The following MELK variants were observed in gnomAD, a reference collection of about 807,000 sequenced individuals.
The protein encoded by MELK is pEg3 kinase.
A neutral mutation model predicts 85.0 loss-of-function variants in MELK; 81 were observed. The observed-to-expected ratio is 0.95, with a 90% CI of 0.80 to 1.15. The LOEUF is 1.15. Among genes scored for constraint, MELK ranks in the 50% most tolerant of loss-of-function variants. The pLI is 0.00. For synonymous variants in MELK, 252 were observed against 265.0 expected (o/e 0.95, Z 0.48); for missense variants, 754 against 777.5 (o/e 0.97, Z 0.36).
intron 13 of MELK, among the ~76,000 whole-genome samples, chr9:36,659,833 C>G (rs572468333): frequency 6.6e-6 from 1 of 152,228 alleles, no homozygotes; most frequent in East Asian, 1.9e-4. Context: ...GAGTTTTGCT[C>G]TTGTTGCCCA....
chr9:36,616,407 T>TTTTTTTTTTTTTTTA (rs1826799667), intron 8 of MELK, among the ~76,000 whole-genome samples: 1 of 147,452 alleles, frequency 6.8e-6, no homozygotes, highest in Non-Finnish European at 1.5e-5. Flanking sequence ...TTTTTTTTTT[T>TTTTTTTTTTTTTTTA]AAGGCAGAGC....
At chr9:36,611,304 G>T (rs1826030992) in intron 8 of MELK, among the ~76,000 whole-genome samples, 1 of 152,196 alleles carries the variant, frequency 6.6e-6, no homozygotes, top group African/African-American at 2.4e-5. Flanking sequence ...TAGAAAGACT[G>T]TGGAAACAGA....
At chr9:36,577,588 T>C (rs1821781615) in intron 1 of MELK, among the ~76,000 whole-genome samples, 1 of 152,038 alleles carries the variant, frequency 6.6e-6, no homozygotes, top group South Asian at 2.1e-4. Context: ...CACCTCAGCC[T>C]GCCAAAGTGC....
chr9:36,577,675 C>T (rs1255221874), intron 1 of MELK, among the ~76,000 whole-genome samples: 1 of 151,796 alleles, frequency 6.6e-6, no homozygotes, highest in African/African-American at 2.4e-5. Context: ...TTTTTTGAGA[C>T]ACAGCTTCGC....
At chr9:36,607,756 A>G (rs1326757267) in intron 8 of MELK, 83 bp downstream of exon 8, 1 of 1,007,944 alleles carries the variant, frequency 9.9e-7, no homozygotes, top group East Asian at 2.4e-5. Flanking sequence ...ATGTACAAAA[A>G]CAGGCATAAA....
In MELK at chr9:36,594,834, T is replaced by C. The variant is rs139641063; in HGVS notation, c.405+63T>C. The C allele has an allele frequency of 7.2e-4, 1,110 of 1,542,998 alleles. 5 individuals are homozygous for C. In the African/African-American group the frequency reaches 1.0e-2, roughly 14 times the overall value. ...CGTCATTTACCTGTTATTTTTAGGT[T>C]TACAAATGATCTGATTAGGAATCTA... On this transcript the variant is annotated intron_variant, in intron 5 of 17. Coordinates refer to ENST00000298048, the MANE Select transcript of MELK (RefSeq NM_014791.4).
chr9:36,644,240 TGTG>T (rs1235922681), intron 11 of MELK, among the ~76,000 whole-genome samples: 1 of 149,356 alleles, frequency 6.7e-6, no homozygotes, highest in African/African-American at 2.6e-5. Context: ...TGTGTGTGTG[TGTG>T]TGTGTGTGTT....
chr9:36,611,262 T>G (rs934353601), intron 8 of MELK, among the ~76,000 whole-genome samples: 1 of 152,210 alleles, frequency 6.6e-6, no homozygotes, highest in Non-Finnish European at 1.5e-5. Flanking sequence ...TGCTAGCTGG[T>G]GTAACACGGA....
chr9:36,640,283 G>A (rs559163797), intron 10 of MELK, among the ~76,000 whole-genome samples: 7 of 152,194 alleles, frequency 4.6e-5, no homozygotes, highest in South Asian at 4.2e-4. Flanking sequence ...GTTCTGGAGA[G>A]TAAAAATAAA....
At chr9:36,668,306 A>T (rs10124884) in intron 14 of MELK, among the ~76,000 whole-genome samples, 117,720 of 152,136 alleles carry the variant, frequency 0.77, 47,980 homozygotes, top group Non-Finnish European at 0.9. Context: ...CCAAGCCCCT[A>T]ATCTCTTTTA....
At chr9:36,573,292 A>T (rs1821274020) in intron 1 of MELK, 1 of 152,226 alleles carries the variant, frequency 6.6e-6, no homozygotes, top group East Asian at 1.9e-4. Flanking sequence ...GATAGACGTG[A>T]ATTCCCATTT....
In MELK at chr9:36,659,247, C is replaced by T. The variant is rs569569733; in HGVS notation, c.1176+1884C>T. On this transcript the variant is annotated intron_variant, in intron 13 of 17. Coordinates refer to ENST00000298048, the MANE Select transcript of MELK (RefSeq NM_014791.4). ...GCCAGGCTGGTGTTAAACTCCTGACCTCAGGTGATCTGCCTGCCTTAGCCT... is the reference window on the plus strand; with the variant it reads ...GCCAGGCTGGTGTTAAACTCCTGACTTCAGGTGATCTGCCTGCCTTAGCCT... 4.7e-4 allele frequency among the ~76,000 whole-genome samples: 71 copies of T among 151,920 alleles called. No homozygotes were observed. In the Middle Eastern group the frequency reaches 0.01, roughly 22 times the overall value.
chr9:36,579,457 C>T lies in MELK; in HGVS notation c.-38-2187C>T, dbSNP rs189952349. Reference sequence around the variant, plus strand: ...GATTATAGGCGTGAGCCTCTGCACCCGGCCTATAAATTATAAGTATTAATT... The same window carrying T: ...GATTATAGGCGTGAGCCTCTGCACCTGGCCTATAAATTATAAGTATTAATT... On this transcript the variant is annotated intron_variant, in intron 1 of 17. Coordinates refer to ENST00000298048, the MANE Select transcript of MELK (RefSeq NM_014791.4). 2.1e-4 allele frequency among the ~76,000 whole-genome samples: 32 copies of T among 152,370 alleles called. 1 individual carries two copies. The highest frequency in any genetic ancestry group is 7.2e-4 in the Admixed American group (11 of 15,308).
intron 8 of MELK, 151 bp downstream of exon 8, chr9:36,607,824 A>G (rs1825706140): frequency 4.7e-6 from 3 of 637,352 alleles, no homozygotes; most frequent in Non-Finnish European, 5.4e-6. Context: ...GTGGTTAAGG[A>G]GTGGGCTTCT....
intron 4 of MELK, among the ~76,000 whole-genome samples, chr9:36,592,142 A>G (rs892035076): frequency 1.4e-5 from 2 of 145,056 alleles, no homozygotes; most frequent in African/African-American, 5.1e-5. Flanking sequence ...GTGAGCAACT[A>G]TGCCCCACCC....
intron 3 of MELK, among the ~76,000 whole-genome samples, chr9:36,589,260 T>A (rs1823276973): frequency 6.6e-6 from 1 of 152,108 alleles, no homozygotes. Flanking sequence ...GCCATTCTCC[T>A]GCCTCAGCCT....
At chr9:36,660,591 G>A (rs1215189949) in intron 13 of MELK, among the ~76,000 whole-genome samples, 2 of 151,914 alleles carry the variant, frequency 1.3e-5, no homozygotes, top group Non-Finnish European at 2.9e-5. Context: ...CAAAGTGCTG[G>A]GATTACAGGC....
At chr9:36,605,876 C>T (rs1215247307) in intron 7 of MELK, among the ~76,000 whole-genome samples, 1 of 150,590 alleles carries the variant, frequency 6.6e-6, no homozygotes, top group Non-Finnish European at 1.5e-5. Context: ...TTGCCTAAGC[C>T]TGGGAGGCAA....
intron 13 of MELK, among the ~76,000 whole-genome samples, chr9:36,662,003 G>C (rs937588577): frequency 4.0e-5 from 6 of 150,460 alleles, no homozygotes; most frequent in Non-Finnish European, 8.8e-5. Context: ...TATGCAAACT[G>C]AAAATCTTGT....
Sources: gnomAD v4.1 joint callset for allele counts (sites outside exome capture counted in the v4.1 genomes callset) on GRCh38, gnomAD v4.1.1 for gene constraint, MANE v1.5 for transcripts, NCBI Gene and HGNC (gene_info 2026-07-23, HGNC 2026-07-21) for gene names.